Variants in IGSF10 observed in about 807,000 individuals in gnomAD.
IGSF10 encodes the protein calvaria mechanical force protein 608.
Under a neutral mutation model 128.2 loss-of-function variants are expected in IGSF10, and 126 were observed. The ratio of observed to expected loss-of-function variants is 0.98; its 90% CI spans 0.85 to 1.14. IGSF10 has a LOEUF of 1.14. Among genes scored for constraint, IGSF10 ranks in the 50% most tolerant of loss-of-function variants. The probability of loss-of-function intolerance (pLI) is 0.00; values close to 1 mark genes in which losing one functional copy is unlikely to be tolerated. For synonymous variants in IGSF10, 1,185 were observed against 1,146.2 expected, an observed-to-expected ratio of 1.03 and a Z score of -0.68; for missense variants, 3,295 against 3,149.8, an observed-to-expected ratio of 1.05 and a Z score of -1.10.
At chr3:151,564,804 C>A in the IGSF10 span, among the ~76,000 whole-genome samples, 1 of 151,476 alleles carries the variant, frequency 6.6e-6, no homozygotes, top group African/African-American at 2.4e-5. Context: ...CAAGAGGTAC[C>A]CAAAGGTAAG....
the IGSF10 span, among the ~76,000 whole-genome samples, chr3:151,546,840 G>A: frequency 6.6e-6 from 1 of 151,676 alleles, no homozygotes; most frequent in African/African-American, 2.4e-5. Flanking sequence ...GTGCAATCTC[G>A]GCTCATTGCA....
At chr3:151,457,188 T>G in intron 3 of IGSF10, 33 bp from the exon 4 acceptor site, 1 of 1,608,906 alleles carries the variant, frequency 6.2e-7, no homozygotes, top group East Asian at 2.2e-5. Context: ...AGGCATAAGC[T>G]AAGTCTGTCA....
At chr3:151,460,815 TCCCCCACCCTCAGCCC>T (rs1268071271) in intron 1 of IGSF10, 115 bp downstream of exon 1, 1 of 493,732 alleles carries the variant, frequency 2.0e-6, no homozygotes, top group East Asian at 1.6e-4. Context: ...GCGTCTTCCC[TCCCCCACCCTCAGCCC>T]TCCCCGCCCC....
the IGSF10 span, among the ~76,000 whole-genome samples, chr3:151,485,064 G>C: frequency 1.9e-3 from 288 of 152,240 alleles, no homozygotes; most frequent in African/African-American, 6.7e-3. Context: ...AAAGAAGTTA[G>C]ATGAATTGCT....
chr3:151,443,092 T>C lies in IGSF10; in HGVS notation c.5855A>G (p.Glu1952Gly), dbSNP rs1469474241. 2.5e-6 allele frequency: 4 copies of C among 1,614,230 alleles called. No individual in the cohort carries two copies. The South Asian group carries it at 4.4e-5, about 18-fold the overall frequency. ...TAGTAATTTGTCCCCAAAATTCACT[T>C]CAGTCCTTTTCTGGGATGCAGCTTC... ...RIEAASQKRT[E>G]VNFGDKLLLN... The change falls in exon 7 of 8, where the codon GAA becomes GGA. Residue 1952 changes from glutamate to glycine, a missense_variant. Glu to Gly is a moderately conservative substitution (Grantham distance 98). Coordinates refer to ENST00000282466, the MANE Select transcript of IGSF10 (RefSeq NM_178822.5).
chr3:151,485,279 C>T, the IGSF10 span, among the ~76,000 whole-genome samples: 2 of 152,028 alleles, frequency 1.3e-5, no homozygotes, highest in Non-Finnish European at 2.9e-5. Flanking sequence ...ATGAACAAAG[C>T]CTCCAAGAAG....
At chr3:151,584,893 G>A in the IGSF10 span, among the ~76,000 whole-genome samples, 3 of 152,178 alleles carry the variant, frequency 2.0e-5, no homozygotes, top group African/African-American at 7.2e-5. Flanking sequence ...GTGCAGGTGT[G>A]CTGACCAAGT....
At chr3:151,558,028 TTG>T in the IGSF10 span, among the ~76,000 whole-genome samples, 21 of 10,008 alleles carry the variant, frequency 2.1e-3, no homozygotes, top group South Asian at 0.011. Context: ...AATATATATA[TTG>T]GTACAATATG....
chr3:151,491,605 C>A, the IGSF10 span, among the ~76,000 whole-genome samples: 18 of 151,978 alleles, frequency 1.2e-4, no homozygotes, highest in African/African-American at 4.4e-4. Context: ...ACAATAAATA[C>A]ATAAATAGAG....
the IGSF10 span, among the ~76,000 whole-genome samples, chr3:151,538,051 C>T: frequency 2.0e-5 from 3 of 152,160 alleles, no homozygotes; most frequent in Admixed American, 6.5e-5. Context: ...CCTGGGTCTA[C>T]GACTTGGCAG....
At chr3:151,575,723 G>A in the IGSF10 span, among the ~76,000 whole-genome samples, 2 of 152,112 alleles carry the variant, frequency 1.3e-5, no homozygotes, top group African/African-American at 4.8e-5. Flanking sequence ...ACCCTCTGTG[G>A]GCTACACCCA....
the IGSF10 span, among the ~76,000 whole-genome samples, chr3:151,510,465 G>A: frequency 6.6e-6 from 1 of 152,150 alleles, no homozygotes; most frequent in Admixed American, 6.5e-5. Context: ...AAACCCATCT[G>A]TACGTCACCA....
intron 5 of IGSF10, among the ~76,000 whole-genome samples, chr3:151,450,895 CAAAAAA>C (rs35070766): frequency 5.1e-4 from 28 of 55,410 alleles, no homozygotes; most frequent in African/African-American, 2.1e-3. Context: ...AACTCTGTCT[CAAAAAA>C]AAAAAAAAAA....
the IGSF10 span, among the ~76,000 whole-genome samples, chr3:151,605,707 C>T: frequency 3.9e-5 from 6 of 152,174 alleles, no homozygotes; most frequent in East Asian, 3.8e-4. Context: ...ATTCTTCTAG[C>T]GAAGACAATT....
the IGSF10 span, among the ~76,000 whole-genome samples, chr3:151,575,437 G>A: frequency 1.3e-5 from 2 of 150,070 alleles, no homozygotes; most frequent in South Asian, 4.4e-4. Flanking sequence ...AATGGTGGAT[G>A]CCCCTCCCCC....
the IGSF10 span, among the ~76,000 whole-genome samples, chr3:151,476,892 G>C: frequency 6.6e-6 from 1 of 152,296 alleles, no homozygotes; most frequent in Non-Finnish European, 1.5e-5. Flanking sequence ...AACCACCCTA[G>C]GAGTTGTGTT....
chr3:151,610,391 G>A, the IGSF10 span, among the ~76,000 whole-genome samples: 5 of 152,168 alleles, frequency 3.3e-5, no homozygotes, highest in South Asian at 2.1e-4. Flanking sequence ...GAGCTCAAAT[G>A]AGTCATGGAT....
the IGSF10 span, among the ~76,000 whole-genome samples, chr3:151,513,407 C>G: frequency 1.3e-5 from 2 of 151,988 alleles, no homozygotes; most frequent in Non-Finnish European, 1.5e-5. Context: ...AAAGGCCTGA[C>G]AAAATTCAAC....
chr3:151,552,780 A>G, the IGSF10 span, among the ~76,000 whole-genome samples: 3 of 152,220 alleles, frequency 2.0e-5, no homozygotes, highest in African/African-American at 7.2e-5. Flanking sequence ...GCCTACATGC[A>G]GAGATAAGCA....
Sources: allele counts gnomAD v4.1 joint callset (sites outside exome capture counted in the v4.1 genomes callset), GRCh38; gene constraint gnomAD v4.1.1; transcripts MANE v1.5; gene names NCBI Gene and HGNC (gene_info 2026-07-23, HGNC 2026-07-21).